The following PPP2R3B variants were observed in gnomAD, a reference collection of about 807,000 sequenced individuals.
PPP2R3B encodes serine/threonine-protein phosphatase 2A regulatory subunit B'' subunit beta.
In PPP2R3B, 68 loss-of-function variants were observed where a neutral mutation model predicts 72.9. The ratio of observed to expected loss-of-function variants is 0.93; its 90% CI spans 0.77 to 1.14. The LOEUF is 1.14. Ranked by LOEUF, PPP2R3B falls within the 50% of genes most tolerant of loss-of-function variation. The pLI is 0.00. For missense variants in PPP2R3B, 1,018 were observed against 842.0 expected (o/e 1.21, Z -2.59); for synonymous variants, 466 against 375.8 (o/e 1.24, Z -2.78).
intron 1 of PPP2R3B, among the ~76,000 whole-genome samples, chrX:364,281 G>A (rs755227472): frequency 3.8e-4 from 58 of 152,256 alleles, no homozygotes; most frequent in Non-Finnish European, 5.0e-4. Flanking sequence ...CTGCTGGTAC[G>A]AGCTGGGCAG....
intron 1 of PPP2R3B, among the ~76,000 whole-genome samples, chrX:379,915 G>A (rs2072086620): frequency 6.6e-6 from 1 of 152,134 alleles, no homozygotes; most frequent in African/African-American, 2.4e-5. Context: ...GTGCCATGAA[G>A]GTGAGGGGAT....
intron 5 of PPP2R3B, 125 bp downstream of exon 5, chrX:346,576 C>T (rs1332942608): frequency 2.1e-6 from 2 of 931,564 alleles, no homozygotes; most frequent in Middle Eastern, 3.4e-4. Flanking sequence ...AGAGCGCGGC[C>T]GCCTCCTCCG....
chrX:346,476 G>A (rs1015398041), intron 5 of PPP2R3B: 27 of 628,076 alleles, frequency 4.3e-5, no homozygotes, highest in Non-Finnish European at 6.7e-5. Flanking sequence ...GGAGCTACAC[G>A]GGCCCAGGAC....
chrX:367,078 C>CAG (rs59153322), intron 1 of PPP2R3B, among the ~76,000 whole-genome samples: 52,336 of 149,342 alleles, frequency 0.35, 10,527 homozygotes, highest in African/African-American at 0.55. Flanking sequence ...CCCAAATTTA[C>CAG]AGAGCATGCA....
At chrX:365,149 G>C (rs1381355735) in intron 1 of PPP2R3B, among the ~76,000 whole-genome samples, 1 of 81,482 alleles carries the variant, frequency 1.2e-5, no homozygotes, top group African/African-American at 4.8e-5. Flanking sequence ...GGAGGCGGAG[G>C]TTGCAGTGAG....
chrX:338,666 G>GT lies in PPP2R3B; in HGVS notation c.1514dup (p.Tyr505Ter). ...CCAGGATGTCGTACTCCTCGGCCGCGTACTTCTCCCAGTCCGAGAGCTCGG... is the reference window on the plus strand; with the variant it reads ...CCAGGATGTCGTACTCCTCGGCCGCGTTACTTCTCCCAGTCCGAGAGCTCGG... ...GGPELSDWEKYAAEEYDILVA... is the reference protein window; with the variant it reads ...GGPELSDWEK Residue 505 changes from tyrosine to a stop codon, truncating the protein, a stop_gained and frameshift_variant, in exon 12 of 13, where the codon TAC becomes TAAC. Transcript: ENST00000390665. LOFTEE classifies it high-confidence loss of function. 1 of 1,611,474 alleles carries GT rather than the reference G, an allele frequency of 6.2e-7. No homozygotes were observed. The highest frequency in any genetic ancestry group is 8.5e-7 in the Non-Finnish European group (1 of 1,179,654).
At chrX:347,764 G>C in intron 2 of PPP2R3B, 71 bp from the exon 3 acceptor site, 2 of 1,205,860 alleles carry the variant, frequency 1.7e-6, no homozygotes, top group Non-Finnish European at 2.3e-6. Flanking sequence ...CGTACCTCGC[G>C]CCTGACCGAC....
intron 12 of PPP2R3B, chrX:335,650 T>A (rs1244722840): frequency 6.6e-6 from 1 of 152,164 alleles, no homozygotes; most frequent in Non-Finnish European, 1.5e-5. Flanking sequence ...TGCCTGAAGA[T>A]ACTCAAGGAA....
chrX:369,623 C>A (rs775654161), intron 1 of PPP2R3B, among the ~76,000 whole-genome samples: 399 of 152,350 alleles, frequency 2.6e-3, no homozygotes, highest in Middle Eastern at 0.014. Context: ...GCCACGTGCA[C>A]CGTGACACAT....
Position 386,600 on chromosome X carries a change from A to T in PPP2R3B, c.92T>A (p.Met31Lys). ...GATCCGGCGCAGGCAGTCCTGCAGCATCCGCTGCGTGCTGGCCTCGCTGAG... is the reference window on the plus strand; with the variant it reads ...GATCCGGCGCAGGCAGTCCTGCAGCTTCCGCTGCGTGCTGGCCTCGCTGAG... ...YWLSEASTQR[M>K]LQDCLRRIKA... Residue 31 changes from methionine to lysine, a missense_variant, in exon 1 of 13, where the codon ATG (methionine) becomes AAG (lysine). Transcript: ENST00000390665. 6.9e-7 allele frequency: 1 copy of T among 1,448,874 alleles called. No homozygotes were observed. The highest frequency in any genetic ancestry group is 9.1e-7 in the Non-Finnish European group (1 of 1,101,710). The allele number at this position is 1,448,874 out of a possible 1,614,324, so 89.8% of individuals were successfully genotyped here.
chrX:367,939 G>C (rs780196105), intron 1 of PPP2R3B, among the ~76,000 whole-genome samples: 1 of 152,250 alleles, frequency 6.6e-6, no homozygotes, highest in Non-Finnish European at 1.5e-5. Flanking sequence ...GTGATGGACA[G>C]ACCTGGAGAC....
intron 2 of PPP2R3B, among the ~76,000 whole-genome samples, chrX:352,404 C>T (rs1218955375): frequency 6.6e-6 from 1 of 152,248 alleles, no homozygotes; most frequent in Non-Finnish European, 1.5e-5. Context: ...CCCAGGCCTC[C>T]TCCCCGTGGC....
chrX:374,244 A>C (rs1007763670), intron 1 of PPP2R3B, among the ~76,000 whole-genome samples: 4 of 151,880 alleles, frequency 2.6e-5, no homozygotes, highest in Admixed American at 2.6e-4. Flanking sequence ...CCACGACAAC[A>C]CCAGAGCTGG....
At position 341,911 on chromosome X, in the gene PPP2R3B, C is replaced by T. The variant is rs748355643; in HGVS notation, c.1057G>A (p.Asp353Asn). 6.2e-6 allele frequency: 10 copies of T among 1,612,546 alleles called. No homozygotes were observed. The Admixed American group carries it at 1.5e-4, about 24-fold the overall frequency. ...NDHALSTKMI[D>N]RIFSGAVTRG... ...GTGACTGCTCCTGAGAAGATCCTGT[C>T]TATCATCTTGGTAGAAAGGGCTGGA... The change falls in exon 8 of 13, where the codon GAC becomes AAC. Residue 353 changes from aspartate to asparagine, a missense_variant. By Grantham distance (23) the Asp-to-Asn change is conservative. Coordinates refer to ENST00000390665, the MANE Select transcript of PPP2R3B (RefSeq NM_013239.5).
At chrX:349,563 G>C (rs1298160821) in intron 2 of PPP2R3B, among the ~76,000 whole-genome samples, 1 of 152,234 alleles carries the variant, frequency 6.6e-6, no homozygotes, top group Admixed American at 6.5e-5. Flanking sequence ...CGACGGGTAA[G>C]AAGAGGCAGA....
chrX:386,507 G>A lies in PPP2R3B; in HGVS notation c.185C>T (p.Pro62Leu). 1 of 1,308,990 alleles carries A rather than the reference G, an allele frequency of 7.6e-7. No individual in the cohort carries two copies. Among genetic ancestry groups the A allele is most frequent in the Non-Finnish European group, 9.7e-7 (1 of 1,029,096 alleles). 81.1% of individuals were successfully genotyped at this position (1,308,990 alleles called of 1,614,324 possible). The change falls in exon 1 of 13, where the codon CCG becomes CTG. Residue 62 changes from proline (P) to leucine (L), a missense_variant. Physicochemically the swap from Pro to Leu is moderately conservative, Grantham distance 98. Coordinates refer to ENST00000390665, the MANE Select transcript of PPP2R3B (RefSeq NM_013239.5). ...CCCGCTGGGCCGGGGGGCGGCGAGC[G>A]GGGCTGTGGGCCAGGCCCCGGGCTG... is the stretch of plus-strand genomic sequence containing the variant. ...GEQPGAWPTAPLAAPRPSGLE... is the reference protein window; with the variant it reads ...GEQPGAWPTALLAAPRPSGLE...
At chrX:346,086 A>AG (rs2071202493) in intron 6 of PPP2R3B, 88 bp downstream of exon 6, 4 of 569,444 alleles carry the variant, frequency 7.0e-6, no homozygotes, top group Non-Finnish European at 8.6e-6. Context: ...GGAGGGGAGG[A>AG]GGGAGGGGGG....
At chrX:370,476 T>C (rs1487729562) in intron 1 of PPP2R3B, among the ~76,000 whole-genome samples, 1 of 152,172 alleles carries the variant, frequency 6.6e-6, no homozygotes, top group Non-Finnish European at 1.5e-5. Flanking sequence ...GGGATCATTC[T>C]GTCCACCAGC....
At chrX:361,377 T>C (rs1169909650) in intron 2 of PPP2R3B, 28 bp downstream of exon 2, 1 of 1,612,438 alleles carries the variant, frequency 6.2e-7, no homozygotes, top group Admixed American at 1.7e-5. Flanking sequence ...CCACCTCGGC[T>C]GCTCCACGTC....
Sources: allele counts gnomAD v4.1 joint callset (sites outside exome capture counted in the v4.1 genomes callset), GRCh38; gene constraint gnomAD v4.1.1; transcripts MANE v1.5; gene names NCBI Gene and HGNC (gene_info 2026-07-23, HGNC 2026-07-21).